SNX19: variants seen among roughly 807,000 people sequenced by gnomAD.
SNX19 encodes the protein sorting nexin 19.
Under a neutral mutation model 85.2 loss-of-function variants are expected in SNX19, and 60 were observed. The ratio of observed to expected loss-of-function variants is 0.70; its 90% CI spans 0.57 to 0.87. The LOEUF (loss-of-function observed/expected upper bound fraction) is 0.87, where lower values mean the gene tolerates loss of function less well. Ranked by LOEUF, SNX19 falls within the 40% of genes least tolerant of loss-of-function variation. The pLI is 0.00. For synonymous variants in SNX19, 520 were observed against 470.0 expected (o/e 1.11, Z -1.38); for missense variants, 1,201 against 1,217.8 (o/e 0.99, Z 0.21).
At chr11:130,908,207 G>A (rs1179919329) in intron 4 of SNX19, 124 bp from the exon 5 acceptor site, 64 of 1,082,806 alleles carry the variant, frequency 5.9e-5, no homozygotes, top group Non-Finnish European at 8.2e-5. Flanking sequence ...ATCTAGCAAA[G>A]CCTTATCCAG....
At chr11:130,881,582 T>C (rs10894274) in intron 8 of SNX19, among the ~76,000 whole-genome samples, 20,127 of 152,212 alleles carry the variant, frequency 0.13, 2,249 homozygotes, top group African/African-American at 0.3. Context: ...TTCCTCTCTC[T>C]ACCTCCCCAG....
intron 8 of SNX19, among the ~76,000 whole-genome samples, chr11:130,896,351 G>A (rs904662689): frequency 1.3e-5 from 2 of 152,208 alleles, no homozygotes; most frequent in African/African-American, 2.4e-5. Flanking sequence ...TATAAATAGA[G>A]ATAGCTAAGA....
chr11:130,914,711 G>A lies in SNX19; in HGVS notation c.1229C>T (p.Ala410Val), dbSNP rs1162841461. 1.9e-6 allele frequency: 3 copies of A among 1,614,034 alleles called. No individual in the cohort carries two copies. The highest frequency in any genetic ancestry group is 2.5e-6 in the Non-Finnish European group (3 of 1,179,944). ...DALCALESSQ[A>V]LEPKDGEASE... ...TGCCTCACCATCTTTGGGTTCCAGA[G>A]CCTGGGAACTCTCTAGGGCACACAG... The change falls in exon 1 of 11, where the codon GCT becomes GTT. Residue 410 changes from alanine (A) to valine (V), a missense_variant. Ala to Val is a moderately conservative substitution (Grantham distance 64). Coordinates refer to ENST00000265909, the MANE Select transcript of SNX19 (RefSeq NM_014758.3).
At chr11:130,892,002 G>A (rs544434340) in intron 8 of SNX19, among the ~76,000 whole-genome samples, 99 of 151,686 alleles carry the variant, frequency 6.5e-4, no homozygotes, top group African/African-American at 2.0e-3. Context: ...CACGATGCCC[G>A]GCAAATTTTT....
intron 8 of SNX19, among the ~76,000 whole-genome samples, chr11:130,890,336 T>C (rs1032252539): frequency 6.6e-6 from 1 of 152,178 alleles, no homozygotes. Flanking sequence ...TTTCTATCAA[T>C]GAAACTCCTC....
intron 8 of SNX19, 112 bp from the exon 9 acceptor site, chr11:130,880,918 C>G: frequency 3.3e-6 from 3 of 918,962 alleles, no homozygotes; most frequent in South Asian, 5.3e-5. Flanking sequence ...AATCCTAACC[C>G]TCAAGGTGAT....
chr11:130,914,979 C>T lies in SNX19; in HGVS notation c.961G>A (p.Gly321Ser), dbSNP rs747985995. Residue 321 changes from glycine to serine, a missense_variant, in exon 1 of 11, where the codon GGT (glycine) becomes AGT (serine). Transcript: ENST00000265909. The part of the protein sequence containing the change: ...PVFLSYSEPE[G>S]SAGPSPEVEE... Reference sequence around the variant, plus strand: ...ACCTCTGGAGAGGGGCCTGCAGAACCCTCTGGCTCACTGTAACTTAGGAAT... The same window carrying T: ...ACCTCTGGAGAGGGGCCTGCAGAACTCTCTGGCTCACTGTAACTTAGGAAT... 2.5e-6 allele frequency: 4 copies of T among 1,614,150 alleles called. No homozygotes were observed. The Admixed American group carries it at 5.0e-5, about 20-fold the overall frequency.
At chr11:130,886,425 C>A (rs184551309) in intron 8 of SNX19, among the ~76,000 whole-genome samples, 1 of 152,126 alleles carries the variant, frequency 6.6e-6, no homozygotes, top group African/African-American at 2.4e-5. Context: ...TTGAAAAACA[C>A]TCATGCAGTG....
At position 130,916,237 on chromosome 11, in the gene SNX19, T is replaced by C. The variant is rs1946576185; in HGVS notation, c.-298A>G. On this transcript the variant is annotated 5_prime_UTR_variant, in exon 1 of 11. Coordinates refer to ENST00000265909, the MANE Select transcript of SNX19 (RefSeq NM_014758.3). Reference sequence around the variant, plus strand: ...CCAGGCGGAAGGCCTCTTCGGGGCCTCGGGGCGGGCGCTGCAAGGCCCTGG... The same window carrying C: ...CCAGGCGGAAGGCCTCTTCGGGGCCCCGGGGCGGGCGCTGCAAGGCCCTGG... 2.6e-6 allele frequency: 1 copy of C among 391,808 alleles called. No individual in the cohort carries two copies. The highest frequency in any genetic ancestry group is 4.2e-5 in the Admixed American group (1 of 24,086). 24.3% of individuals were successfully genotyped at this position (391,808 alleles called of 1,614,324 possible).
intron 2 of SNX19, among the ~76,000 whole-genome samples, chr11:130,911,055 C>T (rs1007312105): frequency 1.3e-4 from 19 of 151,992 alleles, no homozygotes; most frequent in Middle Eastern, 3.4e-3. Context: ...ATTAGCCAGG[C>T]GTGGTGGCGG....
chr11:130,909,328 T>G (rs952361934), intron 4 of SNX19, among the ~76,000 whole-genome samples: 1 of 152,252 alleles, frequency 6.6e-6, no homozygotes, highest in Admixed American at 6.5e-5. Flanking sequence ...TCTATTTTAT[T>G]TGTTGCTCCA....
At chr11:130,904,631 G>A (rs1945512328) in intron 7 of SNX19, among the ~76,000 whole-genome samples, 1 of 147,120 alleles carries the variant, frequency 6.8e-6, no homozygotes, top group Non-Finnish European at 1.5e-5. Flanking sequence ...ATTAGTTACA[G>A]CAGTGAAAAA....
chr11:130,903,420 G>C, intron 7 of SNX19, 36 bp from the exon 8 acceptor site: 1 of 1,605,820 alleles, frequency 6.2e-7, no homozygotes, highest in South Asian at 1.1e-5. Context: ...TAACTCAGAA[G>C]AGACCCATAC....
rs2135426122 is a variant in SNX19 at position 130,914,442 on chromosome 11, G to A, written c.1498C>T (p.Pro500Ser). 1 of 1,613,936 alleles carries A rather than the reference G, an allele frequency of 6.2e-7. No homozygotes were observed. The highest frequency in any genetic ancestry group is 8.5e-7 in the Non-Finnish European group (1 of 1,179,846). Residue 500 changes from proline (P) to serine (S), a missense_variant, in exon 1 of 11, where the codon CCA becomes TCA. This residue lies in a region of SNX19 where 791 missense variants were observed against 750.9 expected (regional missense o/e 1.05). Coordinates refer to ENST00000265909, the MANE Select transcript of SNX19 (RefSeq NM_014758.3). ...DVSSLDPTLPPVLLSSSPPGP... is the reference protein window; with the variant it reads ...DVSSLDPTLPSVLLSSSPPGP... Reference sequence around the variant, plus strand: ...GGTGGAGAGGAGGAAAGCAGAACTGGTGGCAGAGTAGGATCAAGGGAGCTC... The same window carrying A: ...GGTGGAGAGGAGGAAAGCAGAACTGATGGCAGAGTAGGATCAAGGGAGCTC...
At chr11:130,885,861 T>C (rs892650896) in intron 8 of SNX19, among the ~76,000 whole-genome samples, 1 of 152,206 alleles carries the variant, frequency 6.6e-6, no homozygotes, top group African/African-American at 2.4e-5. Context: ...TTCAGTAAAT[T>C]AGAAGTATTG....
At position 130,914,765 on chromosome 11, in the gene SNX19, C is replaced by G. The variant is rs748530444; in HGVS notation, c.1175G>C (p.Ser392Thr). The G allele has an allele frequency of 3.7e-6, 6 of 1,614,216 alleles. No individual in the cohort carries two copies. In the Admixed American group the frequency reaches 1.0e-4, roughly 27 times the overall value. Residue 392 changes from serine to threonine, a missense_variant, in exon 1 of 11, where the codon AGC (serine) becomes ACC (threonine). Ser to Thr is a moderately conservative substitution (Grantham distance 58, BLOSUM62 1). Transcript: ENST00000265909. The part of the protein sequence containing the change: ...KETIMLMTPG[S>T]FLSDRIQDAL... Reference sequence around the variant, plus strand: ...ATCCTGAATCCTGTCAGAGAGAAAGCTGCCTGGAGTCATGAGCATGATGGT... The same window carrying G: ...ATCCTGAATCCTGTCAGAGAGAAAGGTGCCTGGAGTCATGAGCATGATGGT...
rs1943004988 is a variant in SNX19 at position 130,870,977 on chromosome 11, T to C, written c.*7445A>G. 6.6e-6 allele frequency among the ~76,000 whole-genome samples: 1 copy of C among 152,094 alleles called. No individual in the cohort carries two copies. Among genetic ancestry groups the C allele is most frequent in the Admixed American group, 6.5e-5 (1 of 15,272 alleles). ...TAACTGAAAAGAAAGTGGGAAGAGT[T>C]TTGGCTGGTGCAATCAGACAGTGCT... On this transcript the variant is annotated 3_prime_UTR_variant, in exon 11 of 11. Transcript: ENST00000265909.
intron 6 of SNX19, 26 bp from the exon 7 acceptor site, chr11:130,906,159 C>T (rs757725038): frequency 1.2e-6 from 2 of 1,605,780 alleles, no homozygotes; most frequent in Non-Finnish European, 1.7e-6. Flanking sequence ...TGGCATATCA[C>T]ATATGGAATG....
At chr11:130,889,822 G>A (rs543069774) in intron 8 of SNX19, among the ~76,000 whole-genome samples, 82 of 152,194 alleles carry the variant, frequency 5.4e-4, no homozygotes, top group African/African-American at 1.1e-3. Flanking sequence ...ATAATCATAC[G>A]TCATGGCACA....
Sources: allele counts gnomAD v4.1 joint callset (sites outside exome capture counted in the v4.1 genomes callset), GRCh38; gene constraint gnomAD v4.1.1; regional missense constraint gnomAD v4.1.1; transcripts MANE v1.5; gene names NCBI Gene and HGNC (gene_info 2026-07-23, HGNC 2026-07-21).